The following CCNY variants were observed in gnomAD, a reference collection of about 807,000 sequenced individuals.
CCNY encodes the protein cyclin Y.
Under a neutral mutation model 42.8 loss-of-function variants are expected in CCNY, and 19 were observed. The observed-to-expected ratio is 0.44, with a 90% confidence interval of 0.31 to 0.65. The LOEUF is 0.65. Ranked by LOEUF, CCNY falls within the 30% of genes least tolerant of loss-of-function variation. The pLI is 0.07. For synonymous variants in CCNY, 165 were observed against 162.7 expected (o/e 1.01, Z -0.11); for missense variants, 370 against 437.3 (o/e 0.85, Z 1.37).
chr10:35,382,564 G>A lies in CCNY; in HGVS notation c.154+45357G>A, dbSNP rs529940946. Among the ~76,000 whole-genome samples, 25 of 152,178 alleles carry A rather than the reference G, an allele frequency of 1.6e-4. No individual in the cohort carries two copies. In the South Asian group the frequency reaches 3.9e-3, roughly 24 times the overall value. On this transcript the variant is annotated intron_variant, in intron 1 of 9. Coordinates refer to ENST00000374704, the MANE Select transcript of CCNY (RefSeq NM_145012.6). Reference sequence around the variant, plus strand: ...ATTTTAGTTATCACCACTGGATGGGGGCTGCTATTGGCATCTTGTGGGTAA... The same window carrying A: ...ATTTTAGTTATCACCACTGGATGGGAGCTGCTATTGGCATCTTGTGGGTAA...
rs950112410 is a variant in CCNY, at chr10:35,336,535, C to G, written c.-519C>G. 5.4e-5 allele frequency: 8 copies of G among 149,126 alleles called. No individual in the cohort carries two copies. The highest frequency in any genetic ancestry group is 1.3e-4 in the Admixed American group (2 of 15,008). The allele number at this position is 149,126 out of a possible 1,614,324, so 9.2% of individuals were successfully genotyped here. A position where few individuals can be genotyped will look rare whatever the true frequency, so the allele number is the denominator to read the frequency against. ...TCCTCCCTGGCCGCGCCGCACCGCGCCGCGAGGAGTCCGGGGGCTGCGCCC... is the reference window on the plus strand; with the variant it reads ...TCCTCCCTGGCCGCGCCGCACCGCGGCGCGAGGAGTCCGGGGGCTGCGCCC... On this transcript the variant is annotated 5_prime_UTR_variant, in exon 1 of 10. Coordinates refer to ENST00000374704, the MANE Select transcript of CCNY (RefSeq NM_145012.6).
chr10:35,264,951 GTGT>G (rs1565057309), intron 3 of CCNY, among the ~76,000 whole-genome samples: 1 of 152,176 alleles, frequency 6.6e-6, no homozygotes, highest in Non-Finnish European at 1.5e-5. Context: ...TTTAGTGGTG[GTGT>G]TTTTGTTTTT....
chr10:35,423,609 T>A (rs1251483868), intron 1 of CCNY, among the ~76,000 whole-genome samples: 2 of 152,114 alleles, frequency 1.3e-5, no homozygotes, highest in African/African-American at 4.8e-5. Flanking sequence ...TTTTTCCTCC[T>A]GGGTTTGTTG....
chr10:35,536,243 G>T (rs1291090858), intron 7 of CCNY, among the ~76,000 whole-genome samples: 3 of 152,006 alleles, frequency 2.0e-5, no homozygotes, highest in Non-Finnish European at 2.9e-5. Flanking sequence ...TCTCTTGCTG[G>T]TACCATGTAA....
intron 7 of CCNY, among the ~76,000 whole-genome samples, chr10:35,531,371 G>T (rs1452844430): frequency 6.6e-6 from 1 of 152,222 alleles, no homozygotes; most frequent in Admixed American, 6.5e-5. Flanking sequence ...CAGAAACCCT[G>T]TTGGCTTGTT....
chr10:35,307,758 A>ATGTG (rs1835626026), intron 3 of CCNY, among the ~76,000 whole-genome samples: 2 of 99,784 alleles, frequency 2.0e-5, no homozygotes, highest in Non-Finnish European at 1.9e-5. Context: ...TGATGTGTAT[A>ATGTG]TATGTGTGTG....
At chr10:35,265,631 G>A (rs1448567128) in intron 3 of CCNY, among the ~76,000 whole-genome samples, 5 of 152,370 alleles carry the variant, frequency 3.3e-5, no homozygotes, top group Middle Eastern at 6.8e-3. Flanking sequence ...TGAAGGTGCC[G>A]CTCCCGGCCG....
At chr10:35,272,821 T>C (rs112129124) in intron 3 of CCNY, among the ~76,000 whole-genome samples, 102 of 152,310 alleles carry the variant, frequency 6.7e-4, no homozygotes, top group Non-Finnish European at 1.1e-3. Flanking sequence ...GTGGTTCTGT[T>C]TTTAGGTCTT....
intron 1 of CCNY, among the ~76,000 whole-genome samples, chr10:35,443,145 C>T (rs1218756652): frequency 1.3e-5 from 2 of 152,170 alleles, no homozygotes; most frequent in African/African-American, 2.4e-5. Context: ...GGTGAGTTAG[C>T]AAGTGGGTGG....
At chr10:35,447,669 A>G (rs564361897) in intron 1 of CCNY, among the ~76,000 whole-genome samples, 33 of 152,310 alleles carry the variant, frequency 2.2e-4, no homozygotes, top group African/African-American at 6.3e-4. Context: ...TTTATAAGTA[A>G]TAACCCAAGG....
intron 8 of CCNY, among the ~76,000 whole-genome samples, chr10:35,560,571 T>C (rs1841446127): frequency 6.6e-6 from 1 of 152,128 alleles, no homozygotes; most frequent in Admixed American, 6.5e-5. Flanking sequence ...AGCCACAAAC[T>C]GTGGGGAAAA....
chr10:35,512,044 C>G (rs1840335031), intron 3 of CCNY, among the ~76,000 whole-genome samples: 1 of 152,128 alleles, frequency 6.6e-6, no homozygotes, highest in African/African-American at 2.4e-5. Context: ...ACGTGGCTTT[C>G]ATATACCAGA....
chr10:35,566,769 C>T (rs1257845510), intron 9 of CCNY, among the ~76,000 whole-genome samples: 1 of 152,194 alleles, frequency 6.6e-6, no homozygotes, highest in African/African-American at 2.4e-5. Context: ...TGCAGTGGCA[C>T]GATCTCAGCT....
At chr10:35,551,995 A>G (rs138379254) in intron 7 of CCNY, among the ~76,000 whole-genome samples, 21 of 152,320 alleles carry the variant, frequency 1.4e-4, no homozygotes, top group African/African-American at 4.3e-4. Flanking sequence ...GGATTACCCT[A>G]TGATCCAGCA....
At chr10:35,433,454 ATAG>A (rs1212622265) in intron 1 of CCNY, among the ~76,000 whole-genome samples, 2 of 152,206 alleles carry the variant, frequency 1.3e-5, no homozygotes, top group Non-Finnish European at 2.9e-5. Flanking sequence ...TTCTTGTCAA[ATAG>A]TATAACACAA....
intron 1 of CCNY, among the ~76,000 whole-genome samples, chr10:35,478,860 C>T (rs1472611172): frequency 2.0e-5 from 3 of 151,554 alleles, no homozygotes; most frequent in Non-Finnish European, 4.4e-5. Context: ...GCAACCTACT[C>T]ATCTGACAAA....
intron 3 of CCNY, among the ~76,000 whole-genome samples, chr10:35,285,696 T>C (rs1483387762): frequency 6.6e-6 from 1 of 152,234 alleles, no homozygotes; most frequent in Non-Finnish European, 1.5e-5. Flanking sequence ...GCTCCTAAAG[T>C]GGCGGGATTA....
intron 1 of CCNY, among the ~76,000 whole-genome samples, chr10:35,477,879 C>G (rs1343151224): frequency 6.7e-6 from 1 of 149,084 alleles, no homozygotes; most frequent in Admixed American, 6.7e-5. Flanking sequence ...GATTGTATAT[C>G]TAGAAAACCC....
intron 1 of CCNY, among the ~76,000 whole-genome samples, chr10:35,412,848 G>A (rs11599669): frequency 0.3 from 35,675 of 119,992 alleles, 5,225 homozygotes; most frequent in Middle Eastern, 0.39. Context: ...GCGACAGAGC[G>A]AGACTCTGTC....
Sources: gnomAD v4.1 joint callset for allele counts (sites outside exome capture counted in the v4.1 genomes callset) on GRCh38, gnomAD v4.1.1 for gene constraint, MANE v1.5 for transcripts, NCBI Gene and HGNC (gene_info 2026-07-23, HGNC 2026-07-21) for gene names.